The following ANTXR2 variants were observed in gnomAD, a reference collection of about 807,000 sequenced individuals.
The protein encoded by ANTXR2 is ANTXR cell adhesion molecule 2.
ANTXR2 carries 44 observed loss-of-function variants against 73.7 expected under a neutral mutation model. That is an observed-to-expected ratio of 0.60 (90% confidence interval 0.47 to 0.77). ANTXR2 has a LOEUF of 0.77. Among genes scored for constraint, ANTXR2 ranks in the 30% least tolerant of loss-of-function variants. The pLI is 0.00. For synonymous variants in ANTXR2, 217 were observed against 205.9 expected (o/e 1.05, Z -0.46); for missense variants, 604 against 592.5 (o/e 1.02, Z -0.20).
At chr4:79,952,705 T>C (rs150334225) in intron 16 of ANTXR2, among the ~76,000 whole-genome samples, 35 of 152,044 alleles carry the variant, frequency 2.3e-4, no homozygotes, top group Middle Eastern at 6.8e-3. Context: ...AAGCAGTAAA[T>C]GTTTATAAAT....
chr4:79,960,863 T>G (rs1729114028), intron 16 of ANTXR2, among the ~76,000 whole-genome samples: 2 of 152,016 alleles, frequency 1.3e-5, no homozygotes, highest in African/African-American at 4.8e-5. Flanking sequence ...GCTTCTATGT[T>G]ATACAAATCC....
chr4:79,998,281 G>A lies in ANTXR2; in HGVS notation c.1041+10240C>T, dbSNP rs137948717. 4.7e-4 allele frequency among the ~76,000 whole-genome samples: 71 copies of A among 152,032 alleles called. No homozygotes were observed. In the East Asian group the frequency reaches 8.3e-3, roughly 18 times the overall value. ...AAGATCTATGAGATCTTTATGTAAC[G>A]TCTTAAATGCACTAAAGAAAAATGA... On this transcript the variant is annotated intron_variant, in intron 12 of 16. Coordinates refer to ENST00000403729, the MANE Select transcript of ANTXR2 (RefSeq NM_058172.6).
rs1733946642 is a variant in ANTXR2 at position 80,055,364 on chromosome 4, T to G, written c.482A>C (p.Lys161Thr). Residue 161 changes from lysine (K) to threonine (T), a missense_variant, in exon 5 of 17, where the codon AAA (lysine) becomes ACA (threonine). By Grantham distance (78) the Lys-to-Thr change is moderately conservative. Coordinates refer to ENST00000403729, the MANE Select transcript of ANTXR2 (RefSeq NM_058172.6). ...LDGLVPSYAE[K>T]EAKISRSLGA... The stretch of plus-strand genomic sequence containing the variant: ...CAGTCTCAGTTCAATACTCACCTCT[T>G]TCTCTGCATATGATGGCACCAGACC... 2 of 1,609,850 alleles carry G rather than the reference T, an allele frequency of 1.2e-6. No individual in the cohort carries two copies. Among genetic ancestry groups the G allele is most frequent in the Middle Eastern group, 3.3e-4 (2 of 6,046 alleles).
At chr4:79,915,860 CTCTA>C (rs1272687109) in intron 16 of ANTXR2, among the ~76,000 whole-genome samples, 145 of 121,950 alleles carry the variant, frequency 1.2e-3, no homozygotes, top group African/African-American at 3.5e-3. Flanking sequence ...CTCTCTCTCT[CTCTA>C]TATATATATA....
At position 80,021,380 on chromosome 4, in the gene ANTXR2, CT is replaced by C. The variant is rs1318329826; in HGVS notation, c.867-2405del. On this transcript the variant is annotated intron_variant, in intron 10 of 16. Coordinates refer to ENST00000403729, the MANE Select transcript of ANTXR2 (RefSeq NM_058172.6). ...AAATAAAAAATTGTCTTCCCTAGTTCTTAATTCCTCTACTTTAAAGAATGTG... is the reference window on the plus strand; with the variant it reads ...AAATAAAAAATTGTCTTCCCTAGTTCTAATTCCTCTACTTTAAAGAATGTG... Among the ~76,000 whole-genome samples the C allele has an allele frequency of 7.2e-5, 11 of 152,042 alleles. No homozygotes were observed. The East Asian group carries it at 2.1e-3, about 29-fold the overall frequency.
chr4:79,956,685 T>C (rs1728898299), intron 16 of ANTXR2, among the ~76,000 whole-genome samples: 1 of 152,052 alleles, frequency 6.6e-6, no homozygotes, highest in Admixed American at 6.6e-5. Flanking sequence ...TATACTCCCC[T>C]CTCCTGAAAT....
At position 79,951,902 on chromosome 4, in the gene ANTXR2, CTTGAA is replaced by C. The variant is rs1417998935; in HGVS notation, c.1428+25714_1428+25718del. Among the ~76,000 whole-genome samples the C allele has an allele frequency of 7.2e-5, 11 of 151,982 alleles. No individual in the cohort carries two copies. In the South Asian group the frequency reaches 8.3e-4, roughly 11 times the overall value. ...TTTGTGTAATCTCTTCTGTTACTTC[CTTGAA>C]TTGATGTTTAAATATTTCATTATTT... On this transcript the variant is annotated intron_variant, in intron 16 of 16. Transcript: ENST00000403729.
intron 16 of ANTXR2, among the ~76,000 whole-genome samples, chr4:79,956,523 C>CTCAT (rs1728892139): frequency 6.6e-6 from 1 of 152,064 alleles, no homozygotes; most frequent in Non-Finnish European, 1.5e-5. Context: ...ATCTCTAGAT[C>CTCAT]TCATATTCTT....
rs187352158 is a variant in ANTXR2, at chr4:80,003,740, T to C, written c.1041+4781A>G. On this transcript the variant is annotated intron_variant, in intron 12 of 16. Coordinates refer to ENST00000403729, the MANE Select transcript of ANTXR2 (RefSeq NM_058172.6). ...CATTACATACCTATTAGAATGGCAA[T>C]AATAAAAATAGAGAAAACACCAAAT... Among the ~76,000 whole-genome samples, 687 of 151,930 alleles carry C rather than the reference T, an allele frequency of 4.5e-3. 10 individuals carry two copies. Among genetic ancestry groups the C allele is most frequent in the African/African-American group, 0.016 (656 of 41,444 alleles).
chr4:80,035,342 T>C (rs769655596), intron 8 of ANTXR2, among the ~76,000 whole-genome samples: 1 of 152,086 alleles, frequency 6.6e-6, no homozygotes, highest in East Asian at 1.9e-4. Context: ...TATGGTACAT[T>C]ACACAACATA....
intron 10 of ANTXR2, among the ~76,000 whole-genome samples, chr4:80,029,690 A>G (rs1240251385): frequency 6.6e-6 from 1 of 151,950 alleles, no homozygotes; most frequent in Non-Finnish European, 1.5e-5. Flanking sequence ...GGAAGATTGC[A>G]TGATTAAATA....
chr4:80,040,300 A>C (rs1196159962), intron 7 of ANTXR2, among the ~76,000 whole-genome samples: 3 of 152,092 alleles, frequency 2.0e-5, no homozygotes, highest in Non-Finnish European at 4.4e-5. Flanking sequence ...GGAAAGAAAA[A>C]ATAGAATAAA....
At chr4:80,069,067 A>G (rs1008319422) in intron 3 of ANTXR2, among the ~76,000 whole-genome samples, 1 of 152,164 alleles carries the variant, frequency 6.6e-6, no homozygotes, top group South Asian at 2.1e-4. Flanking sequence ...ATCCAAAAGG[A>G]TCCATATCTT....
At chr4:80,003,212 C>A (rs911959254) in intron 12 of ANTXR2, among the ~76,000 whole-genome samples, 2 of 151,950 alleles carry the variant, frequency 1.3e-5, no homozygotes, top group Non-Finnish European at 2.9e-5. Flanking sequence ...ACATATACAC[C>A]ATGGAATACT....
At position 80,035,931 on chromosome 4, in the gene ANTXR2, T is replaced by C. The variant is rs764414021; in HGVS notation, c.697+41A>G. On this transcript the variant is annotated intron_variant, in intron 8 of 16. Coordinates refer to ENST00000403729, the MANE Select transcript of ANTXR2 (RefSeq NM_058172.6). The stretch of plus-strand genomic sequence containing the variant: ...TCATATATTTTAGCTAGGAAAAAAA[T>C]ACAATTTCTTACATGGTATTTTTAA... The C allele has an allele frequency of 7.5e-6, 11 of 1,473,524 alleles. No individual in the cohort carries two copies. In the South Asian group the frequency reaches 1.3e-4, roughly 18 times the overall value. The allele number at this position is 1,473,524 out of a possible 1,614,324, so 91.3% of individuals were successfully genotyped here.
At position 79,906,327 on chromosome 4, in the gene ANTXR2, T is replaced by C. The variant is rs1384137966; in HGVS notation, c.*1102A>G. The C allele has an allele frequency of 6.6e-6, 1 of 152,568 alleles. No homozygotes were observed. The highest frequency in any genetic ancestry group is 2.4e-5 in the African/African-American group (1 of 41,432). 9.5% of individuals were successfully genotyped at this position (152,568 alleles called of 1,614,324 possible). Reference sequence around the variant, plus strand: ...AATCCAAGTAATGCGCATACAGTAATAGGTCATTCAATGTCAAAAGGCATA... The same window carrying C: ...AATCCAAGTAATGCGCATACAGTAACAGGTCATTCAATGTCAAAAGGCATA... On this transcript the variant is annotated 3_prime_UTR_variant, in exon 17 of 17. Coordinates refer to ENST00000403729, the MANE Select transcript of ANTXR2 (RefSeq NM_058172.6).
intron 12 of ANTXR2, among the ~76,000 whole-genome samples, chr4:79,988,321 A>G (rs1730293388): frequency 6.8e-6 from 1 of 147,712 alleles, no homozygotes; most frequent in Non-Finnish European, 1.5e-5. Context: ...ACTCAAGCAA[A>G]CAGAAAACAA....
intron 16 of ANTXR2, among the ~76,000 whole-genome samples, chr4:79,928,418 G>A (rs1727912227): frequency 6.6e-6 from 1 of 152,152 alleles, no homozygotes; most frequent in Admixed American, 6.6e-5. Flanking sequence ...ATGAAAAAGA[G>A]AGTTGGATAG....
chr4:79,934,705 T>C (rs905588410), intron 16 of ANTXR2, among the ~76,000 whole-genome samples: 1 of 152,118 alleles, frequency 6.6e-6, no homozygotes, highest in Non-Finnish European at 1.5e-5. Flanking sequence ...TGATAAACAC[T>C]AAGGAAACGC....
Sources: gnomAD v4.1 joint callset for allele counts (sites outside exome capture counted in the v4.1 genomes callset) on GRCh38, gnomAD v4.1.1 for gene constraint, MANE v1.5 for transcripts, NCBI Gene and HGNC (gene_info 2026-07-23, HGNC 2026-07-21) for gene names.